Variants in PSD3 observed in about 807,000 individuals in gnomAD.
PSD3 encodes PH and SEC7 domain-containing protein 3.
Under a neutral mutation model 105.5 loss-of-function variants are expected in PSD3, and 49 were observed. That is an observed-to-expected ratio of 0.46 (90% CI 0.37 to 0.59). The LOEUF (loss-of-function observed/expected upper bound fraction) is 0.59. PSD3 is among the 20% of genes least tolerant of loss of function. The pLI is 0.00. For missense variants in PSD3, 1,561 were observed against 1,263.8 expected, an observed-to-expected ratio of 1.24 and a Z score of -3.57; for synonymous variants, 557 against 457.8, an observed-to-expected ratio of 1.22 and a Z score of -2.77.
intron 4 of PSD3, among the ~76,000 whole-genome samples, chr8:18,814,691 A>T (rs1311066945): frequency 6.6e-6 from 1 of 152,206 alleles, no homozygotes; most frequent in Non-Finnish European, 1.5e-5. Flanking sequence ...GTATATGCTC[A>T]TTGTTTGCAT....
At chr8:18,677,028 G>A (rs1268618290) in intron 9 of PSD3, among the ~76,000 whole-genome samples, 2 of 152,226 alleles carry the variant, frequency 1.3e-5, no homozygotes, top group African/African-American at 2.4e-5. Context: ...GTAAAGATCT[G>A]CTATTAATTA....
rs1300697221 is a variant in PSD3, at chr8:18,527,625, A to G, written c.*8118T>C. 6.6e-6 allele frequency: 1 copy of G among 152,652 alleles called. No individual in the cohort carries two copies. Among genetic ancestry groups the G allele is most frequent in the Non-Finnish European group, 1.5e-5 (1 of 68,042 alleles). 9.5% of individuals were successfully genotyped at this position (152,652 alleles called of 1,614,324 possible). A position where few individuals can be genotyped will look rare whatever the true frequency, so the allele number is the denominator to read the frequency against. On this transcript the variant is annotated 3_prime_UTR_variant, in exon 16 of 16. Coordinates refer to ENST00000327040, the MANE Select transcript of PSD3 (RefSeq NM_015310.4). ...AATATTTATATACAACTATTTTAAT[A>G]AAAAATAAAGCAATTGTAAAATGTA... is the stretch of plus-strand genomic sequence containing the variant.
chr8:18,688,549 A>C (rs1800791063), intron 9 of PSD3, among the ~76,000 whole-genome samples: 1 of 152,228 alleles, frequency 6.6e-6, no homozygotes, highest in African/African-American at 2.4e-5. Flanking sequence ...TTTAGTCTGC[A>C]ATCTTTTGCT....
intron 1 of PSD3, among the ~76,000 whole-genome samples, chr8:19,049,188 T>G (rs1828428425): frequency 6.6e-6 from 1 of 152,288 alleles, no homozygotes; most frequent in African/African-American, 2.4e-5. Flanking sequence ...TGTTAGGAAT[T>G]TAATACGCGA....
intron 9 of PSD3, among the ~76,000 whole-genome samples, chr8:18,690,758 G>A (rs1023803652): frequency 7.9e-5 from 12 of 152,134 alleles, no homozygotes; most frequent in Non-Finnish European, 1.6e-4. Flanking sequence ...CCTCTTCCTC[G>A]CTGTCTGGTC....
At chr8:18,734,670 G>A (rs970001036) in intron 9 of PSD3, among the ~76,000 whole-genome samples, 9 of 152,168 alleles carry the variant, frequency 5.9e-5, no homozygotes, top group Admixed American at 5.2e-4. Flanking sequence ...AGCAATGAAT[G>A]TACAGTGTTG....
chr8:18,748,436 G>A (rs778864413), intron 9 of PSD3, among the ~76,000 whole-genome samples: 3 of 151,976 alleles, frequency 2.0e-5, no homozygotes, highest in Admixed American at 6.6e-5. Context: ...CAAGGCGGGC[G>A]GATCACGAGG....
At chr8:18,729,246 T>C (rs549229318) in intron 9 of PSD3, among the ~76,000 whole-genome samples, 1 of 152,328 alleles carries the variant, frequency 6.6e-6, no homozygotes, top group Admixed American at 6.5e-5. Context: ...CACAAACCTA[T>C]AAATTTTCAT....
chr8:18,983,350 T>C (rs954428391), intron 1 of PSD3, among the ~76,000 whole-genome samples: 1 of 152,248 alleles, frequency 6.6e-6, no homozygotes, highest in African/African-American at 2.4e-5. Context: ...ATCTTTCACA[T>C]ATTCACTGAA....
intron 2 of PSD3, among the ~76,000 whole-genome samples, chr8:18,925,406 T>TAC (rs1554543908): frequency 3.0e-3 from 454 of 151,264 alleles, no homozygotes; most frequent in Non-Finnish European, 4.7e-3. Context: ...TATATATATA[T>TAC]ACACACACAC....
chr8:18,864,311 C>G (rs1472011916), intron 4 of PSD3, among the ~76,000 whole-genome samples: 1 of 152,168 alleles, frequency 6.6e-6, no homozygotes, highest in East Asian at 1.9e-4. Flanking sequence ...CTCTCTGTAC[C>G]TCAGTTTCCT....
At chr8:18,869,369 A>G (rs1182245850) in intron 3 of PSD3, among the ~76,000 whole-genome samples, 1 of 151,782 alleles carries the variant, frequency 6.6e-6, no homozygotes, top group East Asian at 1.9e-4. Flanking sequence ...TTGTATTTTT[A>G]TTGGAGATGG....
chr8:18,754,087 A>C (rs1805823752), intron 9 of PSD3, among the ~76,000 whole-genome samples: 1 of 152,156 alleles, frequency 6.6e-6, no homozygotes, highest in African/African-American at 2.4e-5. Flanking sequence ...GTTTCTTTAA[A>C]ATAATTTCAA....
intron 11 of PSD3, among the ~76,000 whole-genome samples, chr8:18,622,138 C>T (rs1353899298): frequency 6.6e-6 from 1 of 152,136 alleles, no homozygotes; most frequent in Non-Finnish European, 1.5e-5. Flanking sequence ...ATAGTTCTCA[C>T]CTCCTTAAAA....
intron 2 of PSD3, among the ~76,000 whole-genome samples, chr8:18,890,250 C>T (rs977615187): frequency 9.9e-5 from 15 of 151,998 alleles, no homozygotes; most frequent in Non-Finnish European, 2.2e-4. Flanking sequence ...AATCAGTTTT[C>T]CTAGCTCAAT....
At chr8:18,652,592 G>C (rs1435299113) in intron 10 of PSD3, among the ~76,000 whole-genome samples, 1 of 144,716 alleles carries the variant, frequency 6.9e-6, no homozygotes, top group Non-Finnish European at 1.5e-5. Context: ...CTGTTTCTTG[G>C]GTTCAAGCAA....
chr8:18,815,328 G>A (rs1034536605), intron 4 of PSD3, among the ~76,000 whole-genome samples: 4 of 151,958 alleles, frequency 2.6e-5, no homozygotes, highest in East Asian at 1.9e-4. Context: ...GAGGTGTGGG[G>A]GATGGAGTCT....
chr8:18,741,139 A>T (rs2129434503), intron 9 of PSD3, among the ~76,000 whole-genome samples: 1 of 152,324 alleles, frequency 6.6e-6, no homozygotes, highest in Admixed American at 6.5e-5. Flanking sequence ...GAGGGAGATG[A>T]GAGTAAGTGG....
rs527261615 is a variant in PSD3 at position 18,577,654 on chromosome 8, AAG to A, written c.2482-2371_2482-2370del. Among the ~76,000 whole-genome samples the A allele has an allele frequency of 9.1e-4, 138 of 152,188 alleles. 1 individual carries two copies. The highest frequency in any genetic ancestry group is 7.0e-3 in the East Asian group (36 of 5,170). On this transcript the variant is annotated intron_variant, in intron 12 of 15. Coordinates refer to ENST00000327040, the MANE Select transcript of PSD3 (RefSeq NM_015310.4). ...TTAGTCATATAAGATGGAAATTTAAAAGAGTCTTTCTTTTACGAAAATGCTCT... is the reference window on the plus strand; with the variant it reads ...TTAGTCATATAAGATGGAAATTTAAAAGTCTTTCTTTTACGAAAATGCTCT...
Sources: gnomAD v4.1 joint callset for allele counts (sites outside exome capture counted in the v4.1 genomes callset) on GRCh38, gnomAD v4.1.1 for gene constraint, MANE v1.5 for transcripts, NCBI Gene and HGNC (gene_info 2026-07-23, HGNC 2026-07-21) for gene names.